The following SULF2 variants were observed in gnomAD, a reference collection of about 807,000 sequenced individuals.
SULF2 encodes the protein extracellular sulfatase Sulf-2.
A neutral mutation model predicts 107.7 loss-of-function variants in SULF2; 52 were observed. The ratio of observed to expected loss-of-function variants is 0.48; its 90% CI spans 0.39 to 0.61. The LOEUF is 0.61. Among genes scored for constraint, SULF2 ranks in the 20% least tolerant of loss-of-function variants. The pLI is 0.00. For synonymous variants in SULF2, 460 were observed against 464.3 expected, an observed-to-expected ratio of 0.99 and a Z score of 0.12; for missense variants, 993 against 1,177.3, an observed-to-expected ratio of 0.84 and a Z score of 2.29.
At chr20:47,737,474 A>G (rs1181384792) in intron 2 of SULF2, among the ~76,000 whole-genome samples, 1 of 152,132 alleles carries the variant, frequency 6.6e-6, no homozygotes, top group African/African-American at 2.4e-5. Flanking sequence ...GGTCATGCCA[A>G]CCTGGTGGCA....
intron 3 of SULF2, among the ~76,000 whole-genome samples, chr20:47,727,177 T>C (rs2089467216): frequency 6.6e-6 from 1 of 152,064 alleles, no homozygotes; most frequent in Non-Finnish European, 1.5e-5. Flanking sequence ...GTTTGTAACA[T>C]GGTGTTGTAA....
At chr20:47,702,171 T>C (rs1394675165) in intron 4 of SULF2, among the ~76,000 whole-genome samples, 1 of 152,134 alleles carries the variant, frequency 6.6e-6, no homozygotes, top group Non-Finnish European at 1.5e-5. Context: ...AATCCTCCCA[T>C]TTCAGCCTCT....
chr20:47,695,363 A>G (rs1471131915), intron 4 of SULF2, among the ~76,000 whole-genome samples: 1 of 152,208 alleles, frequency 6.6e-6, no homozygotes, highest in Admixed American at 6.5e-5. Context: ...TCTAAGCACC[A>G]TGTTGTACAG....
intron 1 of SULF2, among the ~76,000 whole-genome samples, chr20:47,768,116 T>C (rs1283370104): frequency 6.6e-6 from 1 of 152,148 alleles, no homozygotes. Context: ...ATCCAGTCTT[T>C]ACAACTGGCT....
chr20:47,750,631 T>C (rs2090139147), intron 2 of SULF2, among the ~76,000 whole-genome samples: 1 of 152,226 alleles, frequency 6.6e-6, no homozygotes, highest in South Asian at 2.1e-4. Context: ...AGATGCTCAA[T>C]GTCCTCCTCT....
chr20:47,769,508 T>C (rs1012721389), intron 1 of SULF2, among the ~76,000 whole-genome samples: 1 of 151,966 alleles, frequency 6.6e-6, no homozygotes, highest in African/African-American at 2.4e-5. Context: ...TGGGTTTTTA[T>C]TTTGTAGAGG....
rs1008380032 is a variant in SULF2, at chr20:47,657,709, A to G, written c.*653T>C. 6.6e-6 allele frequency: 1 copy of G among 152,094 alleles called. No homozygotes were observed. Among genetic ancestry groups the G allele is most frequent in the Non-Finnish European group, 1.5e-5 (1 of 68,094 alleles). The allele number at this position is 152,094 out of a possible 1,614,324, so 9.4% of individuals were successfully genotyped here. Reference sequence around the variant, plus strand: ...CCACAGAGCGTTTATTGACACCACCACTCCTGAAAATTGGGATTTCTTATT... The same window carrying G: ...CCACAGAGCGTTTATTGACACCACCGCTCCTGAAAATTGGGATTTCTTATT... On this transcript the variant is annotated 3_prime_UTR_variant, in exon 21 of 21. Transcript: ENST00000688720.
At chr20:47,662,387 A>G (rs1010429870) in intron 17 of SULF2, among the ~76,000 whole-genome samples, 13 of 152,226 alleles carry the variant, frequency 8.5e-5, no homozygotes, top group African/African-American at 2.9e-4. Context: ...CTAAGGAGAA[A>G]GACTGCACAC....
rs558470839 is a variant in SULF2, at chr20:47,674,541, G to A, written c.1380+1953C>T. ...GCCCAGGGCACATTTACTCCTGCCC[G>A]GCCTGGGCCCTGGTCTGGGCTTTGG... is the stretch of plus-strand genomic sequence containing the variant. On this transcript the variant is annotated intron_variant, in intron 10 of 20. Coordinates refer to ENST00000688720, the MANE Select transcript of SULF2 (RefSeq NM_001387048.1). Among the ~76,000 whole-genome samples the A allele has an allele frequency of 6.0e-4, 92 of 152,338 alleles. 1 individual carries two copies. In the South Asian group the frequency reaches 6.2e-3, roughly 10 times the overall value.
At chr20:47,676,222 G>A (rs1485639367) in intron 10 of SULF2, among the ~76,000 whole-genome samples, 1 of 152,206 alleles carries the variant, frequency 6.6e-6, no homozygotes, top group Admixed American at 6.5e-5. Flanking sequence ...AAGAGAGATC[G>A]GCAAGGGCTA....
intron 3 of SULF2, among the ~76,000 whole-genome samples, chr20:47,704,977 A>G (rs1174754693): frequency 6.6e-6 from 1 of 152,204 alleles, no homozygotes; most frequent in African/African-American, 2.4e-5. Context: ...GGGAGCTGTG[A>G]TGGAGCTGGC....
chr20:47,780,578 G>A (rs1322731065), intron 1 of SULF2, among the ~76,000 whole-genome samples: 3 of 151,860 alleles, frequency 2.0e-5, no homozygotes, highest in African/African-American at 7.3e-5. Flanking sequence ...TTTTGAGACT[G>A]AGTCTCACTT....
chr20:47,672,124 C>T (rs943808919), intron 11 of SULF2, 74 bp downstream of exon 11: 25 of 1,463,708 alleles, frequency 1.7e-5, no homozygotes, highest in Admixed American at 1.9e-5. Context: ...GTGGAACTGT[C>T]GGAGTGAATG....
At chr20:47,720,342 T>C (rs2089251141) in intron 3 of SULF2, among the ~76,000 whole-genome samples, 1 of 152,078 alleles carries the variant, frequency 6.6e-6, no homozygotes, top group Non-Finnish European at 1.5e-5. Context: ...CTGCAACCAC[T>C]GCCTCCTGGT....
intron 3 of SULF2, among the ~76,000 whole-genome samples, chr20:47,708,245 G>A (rs558000255): frequency 2.0e-5 from 3 of 152,308 alleles, no homozygotes; most frequent in Admixed American, 1.3e-4. Context: ...GAGAGGCCTC[G>A]CTGGGCTGAA....
At chr20:47,664,328 G>C (rs928693022) in intron 14 of SULF2, 139 bp from the exon 15 acceptor site, 21 of 806,900 alleles carry the variant, frequency 2.6e-5, no homozygotes, top group Non-Finnish European at 3.8e-5. Context: ...GTGGTGGGTA[G>C]GGCATGACCC....
chr20:47,712,256 G>A (rs961582922), intron 3 of SULF2, among the ~76,000 whole-genome samples: 1 of 152,174 alleles, frequency 6.6e-6, no homozygotes, highest in African/African-American at 2.4e-5. Context: ...GCACTGCTGA[G>A]CTCACTCTGT....
chr20:47,689,326 G>A (rs182266937), intron 5 of SULF2, among the ~76,000 whole-genome samples: 1 of 152,296 alleles, frequency 6.6e-6, no homozygotes, highest in Admixed American at 6.5e-5. Flanking sequence ...TGCCACTTCC[G>A]AGATTAGGTT....
intron 8 of SULF2, among the ~76,000 whole-genome samples, chr20:47,677,411 TGTGTGTGTGTGTGTGTGTGC>T (rs996905154): frequency 2.1e-5 from 3 of 143,296 alleles, no homozygotes; most frequent in African/African-American, 5.1e-5. Context: ...TGTGTGTGTG[TGTGTGTGTGTGTGTGTGTGC>T]GCGCACACAC....
Sources: gnomAD v4.1 joint callset for allele counts (sites outside exome capture counted in the v4.1 genomes callset) on GRCh38, gnomAD v4.1.1 for gene constraint, MANE v1.5 for transcripts, NCBI Gene and HGNC (gene_info 2026-07-23, HGNC 2026-07-21) for gene names.